PTPRM: variants seen among roughly 807,000 people sequenced by gnomAD.
PTPRM encodes receptor-type tyrosine-protein phosphatase mu.
Under a neutral mutation model 186.7 loss-of-function variants are expected in PTPRM, and 47 were observed. The observed-to-expected ratio is 0.25, with a 90% CI of 0.20 to 0.32. The LOEUF (loss-of-function observed/expected upper bound fraction) is 0.32. Among genes scored for constraint, PTPRM ranks in the 10% least tolerant of loss-of-function variants. The pLI is 1.00. For synonymous variants in PTPRM, 668 were observed against 674.9 expected (o/e 0.99, Z 0.16); for missense variants, 1,494 against 1,865.0 (o/e 0.80, Z 3.66).
chr18:8,083,498 A>G (rs977284961), intron 9 of PTPRM, among the ~76,000 whole-genome samples: 2 of 151,462 alleles, frequency 1.3e-5, no homozygotes, highest in Non-Finnish European at 2.9e-5. Flanking sequence ...TTCCCCAGCC[A>G]CTCTAAGTGG....
At chr18:8,231,324 C>T (rs751610674) in intron 14 of PTPRM, among the ~76,000 whole-genome samples, 101 of 152,100 alleles carry the variant, frequency 6.6e-4, no homozygotes, top group Non-Finnish European at 1.2e-3. Flanking sequence ...CCATGGCAGA[C>T]GGGCCCATCC....
At chr18:8,151,214 C>T (rs1383899609) in intron 14 of PTPRM, among the ~76,000 whole-genome samples, 1 of 152,162 alleles carries the variant, frequency 6.6e-6, no homozygotes, top group Non-Finnish European at 1.5e-5. Context: ...TTTAAGTCTG[C>T]TGAAGCTGCG....
At chr18:8,053,471 A>C (rs1427010855) in intron 7 of PTPRM, among the ~76,000 whole-genome samples, 1 of 152,124 alleles carries the variant, frequency 6.6e-6, no homozygotes, top group Non-Finnish European at 1.5e-5. Flanking sequence ...AGGAATCAGA[A>C]ACACCACCTC....
rs554293263 is a variant in PTPRM at position 8,321,990 on chromosome 18, A to G, written c.2956+2776A>G. ...TCGTAGATCACCTTTGTTGAAAAACAAACAAACAAAACATTAATACCTCCA... is the reference window on the plus strand; with the variant it reads ...TCGTAGATCACCTTTGTTGAAAAACGAACAAACAAAACATTAATACCTCCA... On this transcript the variant is annotated intron_variant, in intron 22 of 32. Transcript: ENST00000580170. 6.6e-5 allele frequency among the ~76,000 whole-genome samples: 10 copies of G among 152,282 alleles called. No individual in the cohort carries two copies. In the East Asian group the frequency reaches 1.9e-3, roughly 29 times the overall value.
intron 28 of PTPRM, 93 bp downstream of exon 28, chr18:8,379,433 C>A: frequency 7.7e-7 from 1 of 1,292,408 alleles, no homozygotes; most frequent in South Asian, 1.9e-5. Flanking sequence ...CTCACCAGCC[C>A]TTTTGTTTTT....
At chr18:8,162,094 G>T (rs1401565629) in intron 14 of PTPRM, among the ~76,000 whole-genome samples, 2 of 150,544 alleles carry the variant, frequency 1.3e-5, no homozygotes, top group African/African-American at 2.4e-5. Context: ...ATTTTGTGGG[G>T]TTTTTTTCTT....
At chr18:7,938,245 G>T (rs1412326619) in intron 5 of PTPRM, among the ~76,000 whole-genome samples, 1 of 152,168 alleles carries the variant, frequency 6.6e-6, no homozygotes, top group Non-Finnish European at 1.5e-5. Flanking sequence ...AAACTGTAGG[G>T]ATTTTAACCT....
chr18:8,301,857 A>G (rs1235232281), intron 20 of PTPRM, among the ~76,000 whole-genome samples: 2 of 152,216 alleles, frequency 1.3e-5, no homozygotes, highest in Non-Finnish European at 2.9e-5. Context: ...ATGTTTTTAG[A>G]CTGTGGTCAA....
chr18:8,095,692 C>T (rs75623572), intron 11 of PTPRM, among the ~76,000 whole-genome samples: 2 of 151,716 alleles, frequency 1.3e-5, no homozygotes, highest in East Asian at 1.9e-4. Flanking sequence ...CTAACCCTGG[C>T]GGCATGGAGG....
In PTPRM at chr18:8,091,049, A is replaced by G. The variant is rs115047422; in HGVS notation, c.1856+2198A>G. On this transcript the variant is annotated intron_variant, in intron 11 of 32. Transcript: ENST00000580170. Reference sequence around the variant, plus strand: ...CTAAGACATTATTTTGTTGTTGCTTACTTTTACACATGTCTAGTTGTTTTT... The same window carrying G: ...CTAAGACATTATTTTGTTGTTGCTTGCTTTTACACATGTCTAGTTGTTTTT... 5.4e-3 allele frequency among the ~76,000 whole-genome samples: 824 copies of G among 152,204 alleles called. 8 individuals carry two copies. The highest frequency in any genetic ancestry group is 0.019 in the African/African-American group (788 of 41,544).
At chr18:8,398,329 C>A (rs546589127) in intron 32 of PTPRM, among the ~76,000 whole-genome samples, 1 of 152,086 alleles carries the variant, frequency 6.6e-6, no homozygotes, top group African/African-American at 2.4e-5. Flanking sequence ...TATTTCTCAG[C>A]CTCTGTTCTA....
intron 5 of PTPRM, among the ~76,000 whole-genome samples, chr18:7,944,668 T>C (rs1294606639): frequency 2.0e-5 from 3 of 152,200 alleles, no homozygotes; most frequent in Non-Finnish European, 4.4e-5. Flanking sequence ...ACTTTCCCTA[T>C]AGTTTTTTTA....
intron 7 of PTPRM, among the ~76,000 whole-genome samples, chr18:8,068,382 A>T (rs1436757634): frequency 1.3e-5 from 2 of 152,210 alleles, no homozygotes; most frequent in Non-Finnish European, 2.9e-5. Context: ...CTGAATGCTG[A>T]ATTTTTTGTA....
chr18:7,985,222 TATAA>T (rs1346502517), intron 7 of PTPRM, among the ~76,000 whole-genome samples: 1 of 113,562 alleles, frequency 8.8e-6, no homozygotes. Context: ...TATATACACA[TATAA>T]ATATATACAT....
chr18:7,639,263 G>T (rs1308614461), intron 1 of PTPRM, among the ~76,000 whole-genome samples: 1 of 152,044 alleles, frequency 6.6e-6, no homozygotes, highest in Non-Finnish European at 1.5e-5. Flanking sequence ...GTAGAGATGG[G>T]GTTTCACCGT....
chr18:8,132,156 C>T (rs1040250340), intron 13 of PTPRM, among the ~76,000 whole-genome samples: 1 of 152,148 alleles, frequency 6.6e-6, no homozygotes, highest in Non-Finnish European at 1.5e-5. Context: ...GTTGTCCTTA[C>T]AGTGATTTAA....
chr18:7,634,255 A>G (rs1287801308), intron 1 of PTPRM, among the ~76,000 whole-genome samples: 2 of 151,832 alleles, frequency 1.3e-5, no homozygotes, highest in African/African-American at 2.4e-5. Flanking sequence ...CATTTTGTTC[A>G]CTGCCATCTC....
At position 8,343,532 on chromosome 18, in the gene PTPRM, G is replaced by A. The variant is rs2279074; in HGVS notation, c.3054+12G>A. ...TGGAAGTGGGAAGGGTGAGTGGACC[G>A]TCTGCTGCAAATGGCCATTTTGTTC... On this transcript the variant is annotated intron_variant, in intron 23 of 32. Transcript: ENST00000580170. 0.35 allele frequency: 562,021 copies of A among 1,610,326 alleles called. 102,046 individuals are homozygous for A. Among genetic ancestry groups the A allele is most frequent in the Middle Eastern group, 0.46 (2,774 of 6,052 alleles).
At chr18:7,775,586 G>A (rs1215891447) in intron 2 of PTPRM, among the ~76,000 whole-genome samples, 1 of 152,170 alleles carries the variant, frequency 6.6e-6, no homozygotes, top group African/African-American at 2.4e-5. Context: ...CAGAGAGGCT[G>A]GGCTAGCTGA....
Sources: gnomAD v4.1 joint callset for allele counts (sites outside exome capture counted in the v4.1 genomes callset) on GRCh38, gnomAD v4.1.1 for gene constraint, MANE v1.5 for transcripts, NCBI Gene and HGNC (gene_info 2026-07-23, HGNC 2026-07-21) for gene names.